Variants in FAT4 observed in about 807,000 individuals in gnomAD.
FAT4 encodes the protein protocadherin Fat 4.
A neutral mutation model predicts 303.9 loss-of-function variants in FAT4; 84 were observed. The ratio of observed to expected loss-of-function variants is 0.28; its 90% CI spans 0.23 to 0.33. FAT4 has a LOEUF of 0.33. Ranked by LOEUF, FAT4 falls within the 10% of genes least tolerant of loss-of-function variation. The pLI is 1.00. For missense variants in FAT4, 6,005 were observed against 6,146.8 expected, an observed-to-expected ratio of 0.98 and a Z score of 0.77; for synonymous variants, 2,307 against 2,298.8, an observed-to-expected ratio of 1.00 and a Z score of -0.10.
rs373873722 is a variant in FAT4, at chr4:125,450,705, C to T, written c.9695C>T (p.Ala3232Val). 5.2e-5 allele frequency: 84 copies of T among 1,613,926 alleles called. 1 individual carries two copies. The South Asian group carries it at 5.4e-4, about 10-fold the overall frequency. ...GACTCTGGAACAAATGCTGTGATTG[C>T]GTATACTGTACAGTCATCTGACAGT... ...DADSGTNAVI[A>V]YTVQSSDSDL... Residue 3232 changes from alanine (A) to valine (V), a missense_variant, in exon 10 of 18, where the codon GCG becomes GTG. Transcript: ENST00000394329.
chr4:125,468,915 T>G, intron 12 of FAT4, 96 bp downstream of exon 12: 1 of 1,266,608 alleles, frequency 7.9e-7, no homozygotes, highest in East Asian at 2.3e-5. Flanking sequence ...GGTTTATTCA[T>G]TAAATGAACA....
At chr4:125,322,044 T>C (rs1226777579) in intron 2 of FAT4, among the ~76,000 whole-genome samples, 14 of 152,114 alleles carry the variant, frequency 9.2e-5, no homozygotes, top group Admixed American at 9.2e-4. Flanking sequence ...GAGGATGGGC[T>C]GACAGTGTAC....
chr4:125,407,028 G>C lies in FAT4; in HGVS notation c.5456G>C (p.Gly1819Ala), dbSNP rs764421126. 4 of 1,613,662 alleles carry C rather than the reference G, an allele frequency of 2.5e-6. No individual in the cohort carries two copies. The African/African-American group carries it at 5.3e-5, about 22-fold the overall frequency. ...TCACTGCTAGTTCGTGCTGATGATGGTCTTCAGTCCTCGGATATGAGAATT... is the reference window on the plus strand; with the variant it reads ...TCACTGCTAGTTCGTGCTGATGATGCTCTTCAGTCCTCGGATATGAGAATT... ...KYSLLVRADD[G>A]LQSSDMRINI... Residue 1819 changes from glycine (G) to alanine (A), a missense_variant, in exon 4 of 18, where the codon GGT (glycine) becomes GCT (alanine). By Grantham distance (60) the Gly-to-Ala change is moderately conservative. Transcript: ENST00000394329.
chr4:125,419,545 C>T (rs1385882348), intron 7 of FAT4, among the ~76,000 whole-genome samples: 2 of 152,158 alleles, frequency 1.3e-5, no homozygotes, highest in Non-Finnish European at 2.9e-5. Flanking sequence ...AACCCAAGAA[C>T]ATTTAAAACT....
chr4:125,447,936 G>C (rs1034278275), intron 9 of FAT4, among the ~76,000 whole-genome samples: 1 of 151,762 alleles, frequency 6.6e-6, no homozygotes, highest in African/African-American at 2.4e-5. Flanking sequence ...AATAGTTCAC[G>C]TATAAAGGAA....
At chr4:125,466,471 A>G (rs1187726958) in intron 11 of FAT4, among the ~76,000 whole-genome samples, 4 of 151,588 alleles carry the variant, frequency 2.6e-5, no homozygotes, top group Non-Finnish European at 5.9e-5. Context: ...TATATGCTTT[A>G]TTTTTCCTTT....
chr4:125,479,984 A>C (rs2126086083), intron 15 of FAT4, 119 bp downstream of exon 15: 1 of 748,292 alleles, frequency 1.3e-6, no homozygotes, highest in African/African-American at 1.8e-5. Flanking sequence ...TTAAAATATT[A>C]AATGGACAAT....
intron 8 of FAT4, among the ~76,000 whole-genome samples, chr4:125,437,328 A>C (rs893598330): frequency 6.6e-6 from 1 of 152,214 alleles, no homozygotes; most frequent in African/African-American, 2.4e-5. Context: ...CTAGGAGTTA[A>C]GGTAGGAGTT....
intron 2 of FAT4, among the ~76,000 whole-genome samples, chr4:125,374,999 CTT>C (rs1342186190): frequency 6.6e-6 from 1 of 152,094 alleles, no homozygotes; most frequent in Non-Finnish European, 1.5e-5. Context: ...ACTTGAATAA[CTT>C]TAGGTGTTAC....
Position 125,398,777 on chromosome 4 carries a change from T to C in FAT4, c.5176-7T>C, listed in dbSNP as rs1005724211. On this transcript the variant is annotated splice_polypyrimidine_tract_variant and splice_region_variant and intron_variant, in intron 2 of 17. Transcript: ENST00000394329. ...TCATTCACACATTGTTTCCTTTTTCTTTGTAGGTAGAAATAACACTTCAGG... is the reference window on the plus strand; with the variant it reads ...TCATTCACACATTGTTTCCTTTTTCCTTGTAGGTAGAAATAACACTTCAGG... 1.2e-6 allele frequency: 2 copies of C among 1,612,490 alleles called. No individual in the cohort carries two copies. Among genetic ancestry groups the C allele is most frequent in the Admixed American group, 1.7e-5 (1 of 59,912 alleles).
At chr4:125,345,631 A>G (rs944962367) in intron 2 of FAT4, among the ~76,000 whole-genome samples, 11 of 152,004 alleles carry the variant, frequency 7.2e-5, no homozygotes, top group Non-Finnish European at 1.5e-4. Flanking sequence ...TTATTTATGC[A>G]CTTTGAATTG....
At chr4:125,417,862 A>G (rs1578620974) in intron 7 of FAT4, among the ~76,000 whole-genome samples, 1 of 152,190 alleles carries the variant, frequency 6.6e-6, no homozygotes, top group Non-Finnish European at 1.5e-5. Context: ...TAAATACTCA[A>G]TTAGATGTCT....
At chr4:125,338,345 A>G (rs1731651485) in intron 2 of FAT4, among the ~76,000 whole-genome samples, 1 of 152,176 alleles carries the variant, frequency 6.6e-6, no homozygotes, top group African/African-American at 2.4e-5. Context: ...ATTAGAAGGG[A>G]TAAGTGTTAA....
intron 2 of FAT4, among the ~76,000 whole-genome samples, chr4:125,324,057 T>TA (rs1284782546): frequency 6.6e-6 from 1 of 152,186 alleles, no homozygotes; most frequent in East Asian, 1.9e-4. Context: ...CACCTTTACT[T>TA]ACGCTACTTG....
intron 2 of FAT4, among the ~76,000 whole-genome samples, chr4:125,357,119 A>T (rs192744924): frequency 2.6e-5 from 4 of 152,112 alleles, no homozygotes; most frequent in African/African-American, 9.6e-5. Context: ...GTATAAAACA[A>T]TATTCACATG....
At chr4:125,482,459 T>C (rs1243609034) in intron 16 of FAT4, among the ~76,000 whole-genome samples, 2 of 152,114 alleles carry the variant, frequency 1.3e-5, no homozygotes, top group African/African-American at 4.8e-5. Context: ...CCCTTAGCTT[T>C]CTGAAGTTTT....
rs1302508799 is a variant in FAT4 at position 125,320,854 on chromosome 4, T to C, written c.4443T>C (p.Asn1481=). 1 of 1,614,198 alleles carries C rather than the reference T, an allele frequency of 6.2e-7. No homozygotes were observed. Among genetic ancestry groups the C allele is most frequent in the Non-Finnish European group, 8.5e-7 (1 of 1,180,010 alleles). Residue 1481 remains asparagine, a synonymous_variant, in exon 2 of 18, where the codon AAT becomes AAC. Coordinates refer to ENST00000394329, the MANE Select transcript of FAT4 (RefSeq NM_001291303.3). ...IDEVKGTIYT[N]AEIDREFANL... ...AAGTCAAAGGGACTATATATACTAATGCTGAAATAGATCGGGAATTTGCTA... is the reference window on the plus strand; with the variant it reads ...AAGTCAAAGGGACTATATATACTAACGCTGAAATAGATCGGGAATTTGCTA...
At chr4:125,323,370 A>C (rs1731030720) in intron 2 of FAT4, among the ~76,000 whole-genome samples, 1 of 152,160 alleles carries the variant, frequency 6.6e-6, no homozygotes, top group Non-Finnish European at 1.5e-5. Context: ...GAAGATTAAA[A>C]ATGTTTATAA....
At chr4:125,380,980 C>A (rs111312543) in intron 2 of FAT4, among the ~76,000 whole-genome samples, 8,038 of 152,118 alleles carry the variant, frequency 0.053, 224 homozygotes, top group Middle Eastern at 0.078. Context: ...ATCATGAATT[C>A]ATATTAGTAC....
Sources: gnomAD v4.1 joint callset for allele counts (sites outside exome capture counted in the v4.1 genomes callset) on GRCh38, gnomAD v4.1.1 for gene constraint, MANE v1.5 for transcripts, NCBI Gene and HGNC (gene_info 2026-07-23, HGNC 2026-07-21) for gene names.